The following GRIP1 variants were observed in gnomAD, a reference collection of about 807,000 sequenced individuals.
GRIP1 encodes the protein glutamate receptor-interacting protein 1.
A neutral mutation model predicts 129.9 loss-of-function variants in GRIP1; 45 were observed. The ratio of observed to expected loss-of-function variants is 0.35; its 90% CI spans 0.27 to 0.44. The LOEUF (loss-of-function observed/expected upper bound fraction) is 0.44. Among genes scored for constraint, GRIP1 ranks in the 20% least tolerant of loss-of-function variants. The pLI, the probability that GRIP1 is intolerant of heterozygous loss-of-function variation, is 1.00. For missense variants in GRIP1, 1,196 were observed against 1,396.8 expected (o/e 0.86, Z 2.29); for synonymous variants, 530 against 520.8 (o/e 1.02, Z -0.24).
chr12:66,942,784 G>A (rs967684039), intron 1 of GRIP1, among the ~76,000 whole-genome samples: 1 of 152,326 alleles, frequency 6.6e-6, no homozygotes, highest in East Asian at 1.9e-4. Flanking sequence ...GGTATTAGGA[G>A]GCGGAGCTTT....
At chr12:66,483,542 T>C (rs1370217347) in intron 7 of GRIP1, among the ~76,000 whole-genome samples, 1 of 152,212 alleles carries the variant, frequency 6.6e-6, no homozygotes, top group African/African-American at 2.4e-5. Flanking sequence ...ATAAAGCATG[T>C]TTAATTATTG....
chr12:66,951,168 A>C (rs532011056), intron 1 of GRIP1, among the ~76,000 whole-genome samples: 6 of 152,342 alleles, frequency 3.9e-5, no homozygotes, highest in African/African-American at 1.4e-4. Context: ...AATGCTATGA[A>C]GTCTGATAAA....
intron 1 of GRIP1, among the ~76,000 whole-genome samples, chr12:66,774,957 TAC>T (rs2037933399): frequency 6.6e-6 from 1 of 152,160 alleles, no homozygotes; most frequent in African/African-American, 2.4e-5. Context: ...GGCTGTCTCT[TAC>T]ACAGAATCAC....
chr12:66,987,916 G>C (rs139353023), intron 1 of GRIP1, among the ~76,000 whole-genome samples: 1 of 152,142 alleles, frequency 6.6e-6, no homozygotes, highest in South Asian at 2.1e-4. Flanking sequence ...CGGAATGAAC[G>C]CTTCCCCTTC....
chr12:66,384,289 A>T (rs188844396), intron 19 of GRIP1, among the ~76,000 whole-genome samples: 80 of 152,334 alleles, frequency 5.3e-4, no homozygotes, highest in African/African-American at 1.9e-3. Flanking sequence ...CAAAAAAATA[A>T]AATGAAATGC....
chr12:66,923,996 C>G (rs1226919552), intron 1 of GRIP1, among the ~76,000 whole-genome samples: 1 of 152,098 alleles, frequency 6.6e-6, no homozygotes, highest in Non-Finnish European at 1.5e-5. Flanking sequence ...ATGTATGTGC[C>G]ACCACACCCA....
chr12:67,000,469 T>C (rs753593842), intron 1 of GRIP1, among the ~76,000 whole-genome samples: 2 of 152,182 alleles, frequency 1.3e-5, no homozygotes, highest in Non-Finnish European at 2.9e-5. Flanking sequence ...TCTATCTGCC[T>C]CCAAAACATC....
intron 9 of GRIP1, among the ~76,000 whole-genome samples, chr12:66,459,875 GTTACATT>G (rs2059083127): frequency 6.6e-6 from 1 of 152,010 alleles, no homozygotes; most frequent in Admixed American, 6.5e-5. Flanking sequence ...ATAATAAGAT[GTTACATT>G]TTTGGCATGT....
chr12:66,624,613 A>C (rs1179734113), intron 1 of GRIP1, among the ~76,000 whole-genome samples: 2 of 152,150 alleles, frequency 1.3e-5, no homozygotes, highest in Non-Finnish European at 2.9e-5. Flanking sequence ...CCTCTGCAGC[A>C]AGTACTAGGC....
At chr12:66,957,417 A>AATATAT (rs60559996) in intron 1 of GRIP1, among the ~76,000 whole-genome samples, 2,343 of 147,424 alleles carry the variant, frequency 0.016, 52 homozygotes, top group African/African-American at 0.054. Context: ...GCTTTAATCT[A>AATATAT]ATATATATAT....
intron 1 of GRIP1, among the ~76,000 whole-genome samples, chr12:66,827,926 G>T (rs1734567127): frequency 6.6e-6 from 1 of 152,164 alleles, no homozygotes; most frequent in Non-Finnish European, 1.5e-5. Flanking sequence ...TTTTCTTAGT[G>T]CTTCATTGGT....
chr12:67,017,652 T>C (rs2042807888), intron 1 of GRIP1, among the ~76,000 whole-genome samples: 1 of 152,110 alleles, frequency 6.6e-6, no homozygotes, highest in South Asian at 2.1e-4. Context: ...GAGAATGCAC[T>C]GGAAGTAACA....
At chr12:66,982,755 G>A (rs1415083858) in intron 1 of GRIP1, among the ~76,000 whole-genome samples, 2 of 152,152 alleles carry the variant, frequency 1.3e-5, no homozygotes, top group Non-Finnish European at 2.9e-5. Flanking sequence ...GTAGTCTTGT[G>A]AGAGACCTTG....
At position 66,363,225 on chromosome 12, in the gene GRIP1, A is replaced by ATATATATATATATATATATATATG. The variant is rs1363141435; in HGVS notation, c.3012+8468_3012+8469insCATATATATATATATATATATATA. 4.2e-4 allele frequency among the ~76,000 whole-genome samples: 56 copies of ATATATATATATATATATATATATG among 133,826 alleles called. 1 individual carries two copies. The highest frequency in any genetic ancestry group is 7.5e-4 in the Non-Finnish European group (47 of 62,330). 87.8% of individuals were successfully genotyped at this position (133,826 alleles called of 152,430 possible). A position where few individuals can be genotyped will look rare whatever the true frequency, so the allele number is the denominator to read the frequency against. ...CATATATATATATATATATATATATATATAAAGTTTCTGTATCTCTTTTTT... is the reference window on the plus strand; with the variant it reads ...CATATATATATATATATATATATATATATATATATATATATATATATATGTATAAAGTTTCTGTATCTCTTTTTT... On this transcript the variant is annotated intron_variant, in intron 23 of 24. Transcript: ENST00000359742.
chr12:66,662,144 G>A (rs1351337450), intron 1 of GRIP1, among the ~76,000 whole-genome samples: 1 of 152,096 alleles, frequency 6.6e-6, no homozygotes, highest in Non-Finnish European at 1.5e-5. Context: ...GTTCAGATGA[G>A]TAACCCAGGT....
At chr12:66,871,306 G>A (rs192349851) in intron 1 of GRIP1, among the ~76,000 whole-genome samples, 2 of 152,102 alleles carry the variant, frequency 1.3e-5, no homozygotes, top group Non-Finnish European at 2.9e-5. Flanking sequence ...TTTTTTCCCA[G>A]TTATATATTT....
chr12:66,369,807 G>A (rs571472493), intron 23 of GRIP1, among the ~76,000 whole-genome samples: 13 of 152,214 alleles, frequency 8.5e-5, no homozygotes, highest in African/African-American at 2.2e-4. Flanking sequence ...TGTGGTTTCC[G>A]CAATTTAATC....
intron 1 of GRIP1, among the ~76,000 whole-genome samples, chr12:66,876,750 A>G (rs1325237741): frequency 1.3e-5 from 2 of 152,064 alleles, no homozygotes; most frequent in Admixed American, 6.6e-5. Context: ...AGGCAGGATC[A>G]CAATGATTGT....
At chr12:67,062,108 C>A (rs10459266) in intron 1 of GRIP1, among the ~76,000 whole-genome samples, 22,915 of 152,126 alleles carry the variant, frequency 0.15, 1,816 homozygotes, top group Middle Eastern at 0.22. Context: ...TGTTTCCTCC[C>A]TGCTGCCAAG....
Sources: gnomAD v4.1 joint callset for allele counts (sites outside exome capture counted in the v4.1 genomes callset) on GRCh38, gnomAD v4.1.1 for gene constraint, MANE v1.5 for transcripts, NCBI Gene and HGNC (gene_info 2026-07-23, HGNC 2026-07-21) for gene names.